Variants in GPATCH2L observed in about 807,000 individuals in gnomAD.
GPATCH2L encodes G-patch domain containing 2 like.
GPATCH2L carries 31 observed loss-of-function variants against 57.4 expected under a neutral mutation model. The ratio of observed to expected loss-of-function variants is 0.54; its 90% confidence interval spans 0.41 to 0.73. GPATCH2L has a LOEUF of 0.73. GPATCH2L is among the 30% of genes least tolerant of loss of function. The pLI, the probability that GPATCH2L is intolerant of heterozygous loss-of-function variation, is 0.00. For missense variants in GPATCH2L, 481 were observed against 599.9 expected (o/e 0.80, Z 2.07); for synonymous variants, 199 against 210.7 (o/e 0.94, Z 0.48).
At position 76,176,701 on chromosome 14, in the gene GPATCH2L, A is replaced by T. The variant is rs748238909; in HGVS notation, c.1052+11A>T. On this transcript the variant is annotated intron_variant, in intron 6 of 9. Coordinates refer to ENST00000261530, the MANE Select transcript of GPATCH2L (RefSeq NM_017926.4). Reference sequence around the variant, plus strand: ...CCCTCGGCAGAAAGAGTAAGTGCTTATGTATTTACTGGCTGTGCTAGTCTG... The same window carrying T: ...CCCTCGGCAGAAAGAGTAAGTGCTTTTGTATTTACTGGCTGTGCTAGTCTG... 3 of 1,572,356 alleles carry T rather than the reference A, an allele frequency of 1.9e-6. No homozygotes were observed. The highest frequency in any genetic ancestry group is 2.6e-6 in the Non-Finnish European group (3 of 1,141,920).
chr14:76,195,120 G>A (rs1006622156), intron 8 of GPATCH2L, among the ~76,000 whole-genome samples: 1 of 152,084 alleles, frequency 6.6e-6, no homozygotes, highest in Non-Finnish European at 1.5e-5. Flanking sequence ...TCAGAGGCAG[G>A]ATCTGTCTAG....
At chr14:76,167,592 G>A (rs891326317) in intron 3 of GPATCH2L, among the ~76,000 whole-genome samples, 1 of 152,204 alleles carries the variant, frequency 6.6e-6, no homozygotes, top group Non-Finnish European at 1.5e-5. Context: ...TTTTGGAGAA[G>A]GACTGTGGGG....
chr14:76,163,849 A>C (rs1335711707), intron 2 of GPATCH2L, among the ~76,000 whole-genome samples: 1 of 152,226 alleles, frequency 6.6e-6, no homozygotes, highest in Non-Finnish European at 1.5e-5. Flanking sequence ...CTATTTACGT[A>C]ACATTCACTG....
chr14:76,185,370 A>G (rs1032863908), intron 8 of GPATCH2L, among the ~76,000 whole-genome samples: 2 of 152,232 alleles, frequency 1.3e-5, no homozygotes, highest in African/African-American at 4.8e-5. Context: ...CAAACTTGTA[A>G]TAAGAAGACT....
At chr14:76,225,903 C>G (rs2040534634) in intron 1 of GPATCH2L, among the ~76,000 whole-genome samples, 1 of 152,026 alleles carries the variant, frequency 6.6e-6, no homozygotes, top group Non-Finnish European at 1.5e-5. Context: ...AAATTAAAAC[C>G]CAATGCGATA....
chr14:76,176,356 A>C (rs984529377), intron 5 of GPATCH2L: 25 of 440,450 alleles, frequency 5.7e-5, no homozygotes, highest in Non-Finnish European at 4.1e-5. Context: ...GTACTTATTA[A>C]AATACCATAT....
intron 2 of GPATCH2L, among the ~76,000 whole-genome samples, chr14:76,156,370 G>A (rs776019849): frequency 2.0e-5 from 3 of 152,176 alleles, no homozygotes; most frequent in Non-Finnish European, 4.4e-5. Context: ...TTCTTGAGTG[G>A]TTTTTAATCC....
At chr14:76,152,653 T>C (rs1363660867) in intron 1 of GPATCH2L, 2 of 455,976 alleles carry the variant, frequency 4.4e-6, no homozygotes, top group Non-Finnish European at 8.8e-6. Context: ...TAGGGTTCTT[T>C]TGTCACTACT....
intron 9 of GPATCH2L, 115 bp downstream of exon 9, chr14:76,196,087 AC>A: frequency 1.2e-6 from 1 of 837,212 alleles, no homozygotes; most frequent in Non-Finnish European, 2.0e-6. Flanking sequence ...TTTTATTCCC[AC>A]TTTACATGGG....
rs1262067644 is a variant in GPATCH2L, at chr14:76,202,479, G to A, written c.*628G>A. 6.6e-6 allele frequency: 1 copy of A among 152,456 alleles called. No homozygotes were observed. The highest frequency in any genetic ancestry group is 2.4e-5 in the African/African-American group (1 of 41,342). The allele number at this position is 152,456 out of a possible 1,614,324, so 9.4% of individuals were successfully genotyped here. ...AGACAGCTCATCAGCAGCAGCAGCT[G>A]TATTGTATTTTACCTCATCTTCAGA... is the stretch of plus-strand genomic sequence containing the variant. On this transcript the variant is annotated 3_prime_UTR_variant, in exon 10 of 10. Transcript: ENST00000261530.
chr14:76,235,169 A>G (rs1191992880), intron 2 of GPATCH2L, among the ~76,000 whole-genome samples: 1 of 79,540 alleles, frequency 1.3e-5, no homozygotes, highest in Non-Finnish European at 2.5e-5. Flanking sequence ...ACTCTGTCTC[A>G]AAAAAAAAAA....
intron 9 of GPATCH2L, among the ~76,000 whole-genome samples, chr14:76,200,453 G>GTA (rs145673227): frequency 0.22 from 33,972 of 151,876 alleles, 4,473 homozygotes; most frequent in African/African-American, 0.37. Context: ...ATATGAGTGA[G>GTA]TATATGTGCC....
intron 3 of GPATCH2L, among the ~76,000 whole-genome samples, chr14:76,167,979 C>T (rs553500013): frequency 4.5e-4 from 69 of 152,298 alleles, no homozygotes; most frequent in African/African-American, 1.5e-3. Flanking sequence ...ATTAGATTTT[C>T]GGGCCTTTGG....
intron 3 of GPATCH2L, among the ~76,000 whole-genome samples, chr14:76,171,585 A>G (rs763122168): frequency 5.0e-5 from 5 of 99,100 alleles, no homozygotes; most frequent in Non-Finnish European, 1.1e-4. Flanking sequence ...TCCATCCCCA[A>G]AAAAATAAAA....
At chr14:76,195,146 A>G (rs962435465) in intron 8 of GPATCH2L, among the ~76,000 whole-genome samples, 4 of 152,178 alleles carry the variant, frequency 2.6e-5, no homozygotes, top group Non-Finnish European at 4.4e-5. Context: ...GAGGGACAAA[A>G]TCTTCACATA....
chr14:76,194,297 A>G (rs2040076735), intron 8 of GPATCH2L, among the ~76,000 whole-genome samples: 1 of 152,220 alleles, frequency 6.6e-6, no homozygotes, highest in Non-Finnish European at 1.5e-5. Flanking sequence ...TTTTCTGTAC[A>G]GGACAGAGTG....
At chr14:76,163,126 A>G (rs2038673687) in intron 2 of GPATCH2L, among the ~76,000 whole-genome samples, 2 of 152,202 alleles carry the variant, frequency 1.3e-5, no homozygotes, top group African/African-American at 2.4e-5. Context: ...CAGTGAACGC[A>G]TGGGCTTTAG....
Position 76,213,292 on chromosome 14 carries a change from G to C in GPATCH2L, c.*11441G>C, listed in dbSNP as rs1385583918. On this transcript the variant is annotated 3_prime_UTR_variant, in exon 10 of 10. Coordinates refer to ENST00000261530, the MANE Select transcript of GPATCH2L (RefSeq NM_017926.4). ...TGTATGCAAACAATTTAAAAACTTG[G>C]ATTAAATGGATAATTTTCCAGGAAG... The C allele has an allele frequency of 2.6e-5, 4 of 152,014 alleles. No homozygotes were observed. The highest frequency in any genetic ancestry group is 9.7e-5 in the African/African-American group (4 of 41,384). 9.4% of individuals were successfully genotyped at this position (152,014 alleles called of 1,614,324 possible).
At chr14:76,196,349 T>TG in intron 9 of GPATCH2L, 20 of 447,116 alleles carry the variant, frequency 4.5e-5, no homozygotes, top group South Asian at 3.9e-4. Context: ...GTACAGTACA[T>TG]TCTTACTGCT....
Sources: allele counts gnomAD v4.1 joint callset (sites outside exome capture counted in the v4.1 genomes callset), GRCh38; gene constraint gnomAD v4.1.1; transcripts MANE v1.5; gene names NCBI Gene and HGNC (gene_info 2026-07-23, HGNC 2026-07-21).